Variants in FREM1 observed in about 807,000 individuals in gnomAD.
FREM1 encodes FRAS1 related extracellular matrix 1, also known as FRAS1-related extracellular matrix protein 1.
FREM1 carries 220 observed loss-of-function variants against 210.1 expected under a neutral mutation model. That is an observed-to-expected ratio of 1.05 (90% CI 0.94 to 1.17). FREM1 has a LOEUF of 1.17. Among genes scored for constraint, FREM1 ranks in the 50% most tolerant of loss-of-function variants. The probability of loss-of-function intolerance (pLI) is 0.00; values close to 1 mark genes in which losing one functional copy is unlikely to be tolerated. For missense variants in FREM1, 3,454 were observed against 2,675.5 expected, an observed-to-expected ratio of 1.29 and a Z score of -6.42; for synonymous variants, 1,189 against 980.2, an observed-to-expected ratio of 1.21 and a Z score of -3.98.
chr9:14,896,764 C>A (rs1588647711), intron 1 of FREM1, among the ~76,000 whole-genome samples: 1 of 152,126 alleles, frequency 6.6e-6, no homozygotes, highest in African/African-American at 2.4e-5. Context: ...AGCATAGGAG[C>A]AAAATGCTCT....
intron 4 of FREM1, among the ~76,000 whole-genome samples, chr9:14,858,705 T>C (rs904339134): frequency 5.9e-5 from 9 of 152,268 alleles, no homozygotes; most frequent in African/African-American, 2.2e-4. Flanking sequence ...AGAAGGAATG[T>C]TACCCATAAA....
At position 14,747,730 on chromosome 9, in the gene FREM1, T is replaced by A; in HGVS notation, c.5797-2A>T. ...TCTATAAACAGAGGATGGACGAACC[T>A]GAAATTGACAGAGAACAAAATATGA... On this transcript the variant is annotated splice_acceptor_variant, in intron 31 of 36. Transcript: ENST00000380880. LOFTEE classifies it high-confidence loss of function. 1 of 1,534,904 alleles carries A rather than the reference T, an allele frequency of 6.5e-7. No individual in the cohort carries two copies. The highest frequency in any genetic ancestry group is 8.8e-7 in the Non-Finnish European group (1 of 1,134,752).
chr9:14,861,080 T>C lies in FREM1; in HGVS notation c.330-1596A>G, dbSNP rs868071227. ...ATATATACACATATACATATATACA[T>C]ATATACACATATATATAAACATATA... On this transcript the variant is annotated intron_variant, in intron 3 of 36. Coordinates refer to ENST00000380880, the MANE Select transcript of FREM1 (RefSeq NM_001379081.2). Among the ~76,000 whole-genome samples the C allele has an allele frequency of 5.6e-3, 528 of 93,458 alleles. 62 individuals are homozygous for C. The highest frequency in any genetic ancestry group is 8.4e-3 in the Non-Finnish European group (382 of 45,542). The allele number at this position is 93,458 out of a possible 152,430, so 61.3% of individuals were successfully genotyped here. A position where few individuals can be genotyped will look rare whatever the true frequency, so the allele number is the denominator to read the frequency against.
At chr9:14,837,444 C>T (rs1427701847) in intron 10 of FREM1, among the ~76,000 whole-genome samples, 1 of 142,404 alleles carries the variant, frequency 7.0e-6, no homozygotes, top group Non-Finnish European at 1.5e-5. Context: ...TCCTTAAAAC[C>T]ACACACACAC....
At chr9:14,817,631 G>C (rs1441599376) in intron 14 of FREM1, among the ~76,000 whole-genome samples, 3 of 152,000 alleles carry the variant, frequency 2.0e-5, no homozygotes, top group Non-Finnish European at 4.4e-5. Context: ...ATGAGTCCTA[G>C]GAATGGAAAA....
At chr9:14,908,284 C>T (rs146023443) in intron 1 of FREM1, among the ~76,000 whole-genome samples, 243 of 152,306 alleles carry the variant, frequency 1.6e-3, no homozygotes, top group African/African-American at 5.7e-3. Flanking sequence ...AGGAATGAGG[C>T]TCCTGAACCA....
chr9:14,797,310 G>T (rs912189340), intron 21 of FREM1, among the ~76,000 whole-genome samples, 188 bp downstream of exon 21: 4 of 152,192 alleles, frequency 2.6e-5, no homozygotes, highest in Admixed American at 1.3e-4. Flanking sequence ...ACGGCTGATT[G>T]TTAAGGAGAG....
rs771059046 is a variant in FREM1 at position 14,842,363 on chromosome 9, G to A, written c.1691C>T (p.Pro564Leu). ...CTTCATGATCTCCCCAGCCTGTGGA[G>A]GCTTTGTGATATTGAAGAAGATGTA... ...DDYIFFNITK[P>L]PQAGEIMKKP... Residue 564 changes from proline (P) to leucine (L), a missense_variant, in exon 9 of 37, where the codon CCT becomes CTT. Coordinates refer to ENST00000380880, the MANE Select transcript of FREM1 (RefSeq NM_001379081.2). 1.2e-6 allele frequency: 2 copies of A among 1,608,854 alleles called. No homozygotes were observed. The highest frequency in any genetic ancestry group is 1.7e-6 in the Non-Finnish European group (2 of 1,176,320).
chr9:14,742,866 GA>G (rs989150223), intron 35 of FREM1, among the ~76,000 whole-genome samples: 4 of 152,088 alleles, frequency 2.6e-5, no homozygotes, highest in African/African-American at 9.7e-5. Context: ...CCTATGATGA[GA>G]AACCTGCTAT....
At chr9:14,823,741 C>T (rs545561411) in intron 12 of FREM1, among the ~76,000 whole-genome samples, 5 of 152,236 alleles carry the variant, frequency 3.3e-5, no homozygotes, top group African/African-American at 1.2e-4. Flanking sequence ...GGAATAAAAA[C>T]GTATACACCA....
chr9:14,827,825 G>A (rs1822761121), intron 10 of FREM1, among the ~76,000 whole-genome samples: 1 of 152,186 alleles, frequency 6.6e-6, no homozygotes, highest in Non-Finnish European at 1.5e-5. Flanking sequence ...TCTGCTCCCT[G>A]CATTCTGATG....
chr9:14,765,227 G>T (rs1055542024), intron 27 of FREM1, among the ~76,000 whole-genome samples: 1 of 152,142 alleles, frequency 6.6e-6, no homozygotes, highest in East Asian at 1.9e-4. Flanking sequence ...GTAATCGAAT[G>T]CTATGAACAC....
At chr9:14,846,680 C>A (rs1826679346) in intron 7 of FREM1, among the ~76,000 whole-genome samples, 1 of 152,100 alleles carries the variant, frequency 6.6e-6, no homozygotes, top group East Asian at 1.9e-4. Context: ...ATTTTTAGTA[C>A]TATTTTTATT....
At chr9:14,739,958 A>C (rs980558293) in intron 36 of FREM1, among the ~76,000 whole-genome samples, 191 bp downstream of exon 36, 2 of 152,142 alleles carry the variant, frequency 1.3e-5, no homozygotes, top group Non-Finnish European at 2.9e-5. Flanking sequence ...ATAGATGTCT[A>C]AAAATGAAAG....
intron 7 of FREM1, 86 bp downstream of exon 7, chr9:14,848,579 A>G (rs1827103090): frequency 2.9e-6 from 2 of 683,818 alleles, no homozygotes; most frequent in East Asian, 5.3e-5. Context: ...TGACATAGGA[A>G]TAAAACTACC....
chr9:14,838,986 C>A (rs1008904554), intron 10 of FREM1, among the ~76,000 whole-genome samples: 1 of 152,132 alleles, frequency 6.6e-6, no homozygotes, highest in Non-Finnish European at 1.5e-5. Flanking sequence ...ACAAAGTTAC[C>A]ACCAACCAGA....
Position 14,792,788 on chromosome 9 carries a change from G to A in FREM1, c.3936C>T (p.Tyr1312=). The change falls in exon 22 of 37, where the codon TAC becomes TAT. Residue 1312 remains tyrosine, a synonymous_variant. Coordinates refer to ENST00000380880, the MANE Select transcript of FREM1 (RefSeq NM_001379081.2). ...IDEDSPREKI[Y]YVFERLPQNG... ...TTTGGGGAAGCCTTTCAAATACATA[G>A]TAAATCTTCTCCCTGGGTGAGTCTT... The A allele has an allele frequency of 1.2e-6, 2 of 1,608,140 alleles. No individual in the cohort carries two copies. The highest frequency in any genetic ancestry group is 1.7e-6 in the Non-Finnish European group (2 of 1,177,242).
chr9:14,747,523 AAAGAT>A, intron 32 of FREM1, 95 bp from the exon 33 acceptor site: 1 of 1,303,614 alleles, frequency 7.7e-7, no homozygotes, highest in Non-Finnish European at 1.1e-6. Context: ...GTCAAAGCAA[AAAGAT>A]AAGAGGATTT....
At chr9:14,821,990 C>A (rs554345653) in intron 13 of FREM1, among the ~76,000 whole-genome samples, 1 of 152,266 alleles carries the variant, frequency 6.6e-6, no homozygotes, top group South Asian at 2.1e-4. Context: ...AAGGATGGGG[C>A]CAGGTGGAGA....
Sources: allele counts gnomAD v4.1 joint callset (sites outside exome capture counted in the v4.1 genomes callset), GRCh38; gene constraint gnomAD v4.1.1; transcripts MANE v1.5; gene names NCBI Gene and HGNC (gene_info 2026-07-23, HGNC 2026-07-21).